NF1: variants seen among roughly 807,000 people sequenced by gnomAD.
The protein encoded by NF1 is neurofibromin 1.
Under a neutral mutation model 325.7 loss-of-function variants are expected in NF1, and 122 were observed. That is an observed-to-expected ratio of 0.37 (90% CI 0.32 to 0.44). NF1 has a LOEUF of 0.44. Ranked by LOEUF, NF1 falls within the 20% of genes least tolerant of loss-of-function variation. The pLI, the probability that NF1 is intolerant of heterozygous loss-of-function variation, is 1.00. For missense variants in NF1, 2,140 were observed against 3,415.4 expected (o/e 0.63, Z 9.31); for synonymous variants, 1,091 against 1,186.0 (o/e 0.92, Z 1.65).
At chr17:31,295,304 A>G in intron 36 of NF1, 1 of 1,614,100 alleles carries the variant, frequency 6.2e-7, no homozygotes. Context: ...ATGTGAATTG[A>G]TAGTCTCTGT....
intron 42 of NF1, among the ~76,000 whole-genome samples, 192 bp downstream of exon 42, chr17:31,337,106 T>G (rs2069696322): frequency 6.6e-6 from 1 of 152,178 alleles, no homozygotes; most frequent in Admixed American, 6.5e-5. Context: ...TAGTAAAGAT[T>G]TTCTATGCAT....
intron 50 of NF1, 44 bp from the exon 51 acceptor site, chr17:31,352,213 G>T (rs775346669): frequency 2.1e-5 from 33 of 1,580,950 alleles, no homozygotes; most frequent in Non-Finnish European, 2.4e-5. Context: ...GGTTGTATTT[G>T]TCACCATATT....
At chr17:31,275,254 A>C (rs573015553) in intron 36 of NF1, among the ~76,000 whole-genome samples, 1 of 152,298 alleles carries the variant, frequency 6.6e-6, no homozygotes, top group East Asian at 1.9e-4. Context: ...CCATGGTCTG[A>C]AAATACTCAA....
In NF1 at chr17:31,155,018, G is replaced by A. The variant is rs17880186; in HGVS notation, c.61-965G>A. Reference sequence around the variant, plus strand: ...TCCGAAAGTGCTGGGATGAGCCACCGTGCCCAGCCTATTTAGTATTTCTTT... The same window carrying A: ...TCCGAAAGTGCTGGGATGAGCCACCATGCCCAGCCTATTTAGTATTTCTTT... On this transcript the variant is annotated intron_variant, in intron 1 of 57. Coordinates refer to ENST00000358273, the MANE Select transcript of NF1 (RefSeq NM_001042492.3). Among the ~76,000 whole-genome samples, 283 of 152,112 alleles carry A rather than the reference G, an allele frequency of 1.9e-3. 1 individual carries two copies. Among genetic ancestry groups the A allele is most frequent in the Middle Eastern group, 0.01 (3 of 294 alleles).
rs138222588 is a variant in NF1 at position 31,172,832 on chromosome 17, C to T, written c.586+2835C>T. ...AATCAGTATTTTATTTTAGATATAC[C>T]CCTTTGCTTGAAATTTGCAGGATGG... On this transcript the variant is annotated intron_variant, in intron 5 of 57. Coordinates refer to ENST00000358273, the MANE Select transcript of NF1 (RefSeq NM_001042492.3). Among the ~76,000 whole-genome samples the T allele has an allele frequency of 3.3e-5, 5 of 152,060 alleles. 1 individual carries two copies. The highest frequency in any genetic ancestry group is 9.6e-5 in the African/African-American group (4 of 41,466).
chr17:31,322,535 A>AAG (rs1190903368), intron 36 of NF1, among the ~76,000 whole-genome samples: 1 of 119,398 alleles, frequency 8.4e-6, no homozygotes, highest in Non-Finnish European at 1.9e-5. Context: ...AAAAAAAAAA[A>AAG]AGAACTGGAT....
At chr17:31,185,789 A>G (rs1298947140) in intron 8 of NF1, among the ~76,000 whole-genome samples, 2 of 152,198 alleles carry the variant, frequency 1.3e-5, no homozygotes, top group Non-Finnish European at 2.9e-5. Flanking sequence ...CTGCTCTGCC[A>G]CTTGGGCCAT....
At chr17:31,168,755 T>C (rs2065885790) in intron 4 of NF1, among the ~76,000 whole-genome samples, 1 of 152,226 alleles carries the variant, frequency 6.6e-6, no homozygotes, top group African/African-American at 2.4e-5. Flanking sequence ...GATTTCGATG[T>C]TATCAGCATT....
rs967311672 is a variant in NF1, at chr17:31,357,385, T to G, written c.7970+16T>G. 3.2e-6 allele frequency: 5 copies of G among 1,585,514 alleles called. No individual in the cohort carries two copies. The African/African-American group carries it at 4.0e-5, about 13-fold the overall frequency. ...TTCCTGTTGTGTAAGTATCTCCTTT[T>G]GATTTTAATTCACCTTCGTGCCTGT... On this transcript the variant is annotated intron_variant, in intron 54 of 57. Transcript: ENST00000358273.
chr17:31,217,394 C>T (rs1226383314), intron 13 of NF1, among the ~76,000 whole-genome samples: 2 of 151,674 alleles, frequency 1.3e-5, no homozygotes, highest in Non-Finnish European at 2.9e-5. Context: ...TCTCTGCAAC[C>T]TCCGCCTCCT....
intron 31 of NF1, among the ~76,000 whole-genome samples, chr17:31,256,137 T>TATTC (rs2067578739): frequency 6.6e-6 from 1 of 151,426 alleles, no homozygotes; most frequent in South Asian, 2.1e-4. Flanking sequence ...TGTCTGCCTT[T>TATTC]ATTTATTTAT....
rs779260264 is a variant in NF1 at position 31,095,375 on chromosome 17, C to A, written c.60+6C>A. On this transcript the variant is annotated splice_donor_region_variant and intron_variant, in intron 1 of 57. Transcript: ENST00000358273. The stretch of plus-strand genomic sequence containing the variant: ...TCAGCCGCTTCGACGAGCAGGTAAC[C>A]GGCCCGTGGCGGGCGGGAGGTGGGA... 6.5e-7 allele frequency: 1 copy of A among 1,539,134 alleles called. No individual in the cohort carries two copies.
intron 1 of NF1, among the ~76,000 whole-genome samples, chr17:31,113,205 T>C (rs1913578590): frequency 6.6e-6 from 1 of 152,324 alleles, no homozygotes; most frequent in African/African-American, 2.4e-5. Flanking sequence ...TTTCAATTTT[T>C]GATTGTTGCT....
intron 17 of NF1, 132 bp downstream of exon 17, chr17:31,225,382 C>G: frequency 9.9e-7 from 1 of 1,005,072 alleles, no homozygotes; most frequent in Non-Finnish European, 1.5e-6. Context: ...TCTATTACTG[C>G]TCTTTGTGGA....
chr17:31,200,020 C>T (rs1371384614), intron 8 of NF1, among the ~76,000 whole-genome samples: 1 of 151,890 alleles, frequency 6.6e-6, no homozygotes, highest in African/African-American at 2.4e-5. Context: ...CCTGTAAACC[C>T]AGCTACTCTG....
chr17:31,287,612 T>G (rs896376830), intron 36 of NF1, among the ~76,000 whole-genome samples: 11 of 150,212 alleles, frequency 7.3e-5, no homozygotes, highest in Non-Finnish European at 1.6e-4. Context: ...CAGGCTAGAG[T>G]GCAGTGGCAT....
chr17:31,168,079 T>C (rs1196443155), intron 4 of NF1, among the ~76,000 whole-genome samples: 1 of 152,214 alleles, frequency 6.6e-6, no homozygotes. Flanking sequence ...AGTTTACTTA[T>C]TATAGTTTTA....
intron 22 of NF1, 129 bp from the exon 23 acceptor site, chr17:31,230,131 T>C: frequency 7.0e-7 from 1 of 1,421,500 alleles, no homozygotes; most frequent in Non-Finnish European, 9.8e-7. Context: ...TGTACGTTCT[T>C]TTCTAAATAA....
intron 1 of NF1, among the ~76,000 whole-genome samples, chr17:31,143,628 A>C (rs2952982): frequency 0.55 from 83,955 of 151,920 alleles, 26,360 homozygotes; most frequent in Middle Eastern, 0.76. Context: ...GATGTGGCAT[A>C]ATTGTATTGA....
Sources: gnomAD v4.1 joint callset for allele counts (sites outside exome capture counted in the v4.1 genomes callset) on GRCh38, gnomAD v4.1.1 for gene constraint, MANE v1.5 for transcripts, NCBI Gene and HGNC (gene_info 2026-07-23, HGNC 2026-07-21) for gene names.